RALGAPA2: variants seen among roughly 807,000 people sequenced by gnomAD.
The protein encoded by RALGAPA2 is ral GTPase-activating protein subunit alpha-2.
Under a neutral mutation model 230.4 loss-of-function variants are expected in RALGAPA2, and 139 were observed. The ratio of observed to expected loss-of-function variants is 0.60; its 90% CI spans 0.53 to 0.69. RALGAPA2 has a LOEUF of 0.69. Among genes scored for constraint, RALGAPA2 ranks in the 30% least tolerant of loss-of-function variants. RALGAPA2 has a pLI of 0.00. For missense variants in RALGAPA2, 2,163 were observed against 2,276.0 expected, an observed-to-expected ratio of 0.95 and a Z score of 1.01; for synonymous variants, 847 against 837.8, an observed-to-expected ratio of 1.01 and a Z score of -0.19.
chr20:20,517,781 T>C (rs1167523098), intron 31 of RALGAPA2, among the ~76,000 whole-genome samples: 2 of 147,562 alleles, frequency 1.4e-5, no homozygotes, highest in Admixed American at 6.7e-5. Flanking sequence ...CTATAAACAT[T>C]AAAGCCACAT....
rs1395591556 is a variant in RALGAPA2 at position 20,414,735 on chromosome 20, T to C, written c.5496-2587A>G. On this transcript the variant is annotated intron_variant, in intron 37 of 39. Transcript: ENST00000202677. ...TTAAGGCAGTAGGAGACAGAAAACA[T>C]AAAGGTGCTTCCAGAACTGGATCCT... Among the ~76,000 whole-genome samples the C allele has an allele frequency of 2.6e-5, 4 of 152,292 alleles. No homozygotes were observed. In the East Asian group the frequency reaches 7.7e-4, roughly 29 times the overall value.
chr20:20,634,098 T>C (rs924501591), intron 9 of RALGAPA2, among the ~76,000 whole-genome samples: 5 of 152,172 alleles, frequency 3.3e-5, no homozygotes, highest in Non-Finnish European at 7.3e-5. Context: ...TGTATCTTGA[T>C]ACTTTTTCCT....
chr20:20,528,622 G>C (rs193101639), intron 27 of RALGAPA2, among the ~76,000 whole-genome samples: 3 of 152,190 alleles, frequency 2.0e-5, no homozygotes, highest in Admixed American at 2.0e-4. Context: ...CTGTGGCTTA[G>C]AACCACCTCC....
intron 23 of RALGAPA2, among the ~76,000 whole-genome samples, chr20:20,571,058 CA>C (rs1335901554): frequency 6.6e-6 from 1 of 152,326 alleles, no homozygotes; most frequent in South Asian, 2.1e-4. Flanking sequence ...AAGTCTTTCA[CA>C]AAAACATCCT....
At position 20,465,149 on chromosome 20, in the gene RALGAPA2, T is replaced by TCTCACACA. The variant is rs1556066770; in HGVS notation, c.5495+7679_5495+7680insTGTGTGAG. Among the ~76,000 whole-genome samples, 701 of 109,230 alleles carry TCTCACACA rather than the reference T, an allele frequency of 6.4e-3. 6 individuals are homozygous for TCTCACACA. Among genetic ancestry groups the TCTCACACA allele is most frequent in the Middle Eastern group, 0.021 (4 of 188 alleles). The allele number at this position is 109,230 out of a possible 152,430, so 71.7% of individuals were successfully genotyped here. ...GCTTCTTCCCTCCCCCCGCAGGCCTTCACACACACACACACACACACACAC... is the reference window on the plus strand; with the variant it reads ...GCTTCTTCCCTCCCCCCGCAGGCCTTCTCACACACACACACACACACACACACACACAC... On this transcript the variant is annotated intron_variant, in intron 37 of 39. Coordinates refer to ENST00000202677, the MANE Select transcript of RALGAPA2 (RefSeq NM_020343.4).
intron 36 of RALGAPA2, among the ~76,000 whole-genome samples, chr20:20,479,833 T>C (rs992289084): frequency 7.2e-5 from 11 of 152,190 alleles, no homozygotes; most frequent in African/African-American, 2.4e-4. Flanking sequence ...AAAACTGTCA[T>C]TTTTTTAGAT....
intron 1 of RALGAPA2, among the ~76,000 whole-genome samples, chr20:20,695,181 A>C (rs1465360359): frequency 6.6e-6 from 1 of 152,252 alleles, no homozygotes; most frequent in African/African-American, 2.4e-5. Flanking sequence ...TGTAAAAAAC[A>C]GCAAATGACT....
At chr20:20,559,958 C>T (rs1386249141) in intron 23 of RALGAPA2, among the ~76,000 whole-genome samples, 3 of 152,156 alleles carry the variant, frequency 2.0e-5, no homozygotes, top group Non-Finnish European at 4.4e-5. Flanking sequence ...AACAGTTATT[C>T]ATGATCTTAT....
chr20:20,629,951 A>G (rs2066616008), intron 9 of RALGAPA2, among the ~76,000 whole-genome samples: 1 of 152,224 alleles, frequency 6.6e-6, no homozygotes, highest in Non-Finnish European at 1.5e-5. Flanking sequence ...ACACTTTAGC[A>G]TTTGCTCCTA....
At position 20,512,861 on chromosome 20, in the gene RALGAPA2, G is replaced by A; in HGVS notation, c.4508C>T (p.Thr1503Ile). Residue 1503 changes from threonine (T) to isoleucine (I), a missense_variant, in exon 32 of 40, where the codon ACA (threonine) becomes ATA (isoleucine). Transcript: ENST00000202677. ...AGAAGAGTCTTTCTGAGGTCCAAATGTGTCACGATGCCAGCTCGAAATCAG... is the reference window on the plus strand; with the variant it reads ...AGAAGAGTCTTTCTGAGGTCCAAATATGTCACGATGCCAGCTCGAAATCAG... The part of the protein sequence containing the change: ...SFLISSWHRD[T>I]FGPQKDSSQV... 6.2e-7 allele frequency: 1 copy of A among 1,613,622 alleles called. No individual in the cohort carries two copies. The highest frequency in any genetic ancestry group is 8.5e-7 in the Non-Finnish European group (1 of 1,179,528).
At chr20:20,457,459 G>T (rs1349714800) in intron 37 of RALGAPA2, among the ~76,000 whole-genome samples, 1 of 152,048 alleles carries the variant, frequency 6.6e-6, no homozygotes, top group Non-Finnish European at 1.5e-5. Context: ...TCTTTTTTAT[G>T]GAAAGACAAA....
At chr20:20,460,436 A>G (rs921001380) in intron 37 of RALGAPA2, among the ~76,000 whole-genome samples, 18 of 152,206 alleles carry the variant, frequency 1.2e-4, no homozygotes, top group Admixed American at 8.5e-4. Context: ...GGGCATGACA[A>G]TAAACAAGAT....
chr20:20,477,776 C>T (rs141110698), intron 36 of RALGAPA2, among the ~76,000 whole-genome samples: 2 of 151,986 alleles, frequency 1.3e-5, no homozygotes, highest in East Asian at 1.9e-4. Flanking sequence ...TTAGTAGAGA[C>T]GGGGTTTCAC....
rs1420375968 is a variant in RALGAPA2, at chr20:20,428,576, A to G, written c.5496-16428T>C. Among the ~76,000 whole-genome samples, 4 of 152,302 alleles carry G rather than the reference A, an allele frequency of 2.6e-5. No homozygotes were observed. The East Asian group carries it at 7.7e-4, about 29-fold the overall frequency. On this transcript the variant is annotated intron_variant, in intron 37 of 39. Coordinates refer to ENST00000202677, the MANE Select transcript of RALGAPA2 (RefSeq NM_020343.4). ...GCCATGGAGATGATCCTCACAATTC[A>G]TATGTGAGGCAGAATTGTATCACTG...
rs140488399 is a variant in RALGAPA2 at position 20,400,420 on chromosome 20, C to T, written c.5618-3686G>A. Reference sequence around the variant, plus strand: ...AGTGCATGGAGCGTGTGCCTGTATACGTGCTGCTCCCGTGCAGGGGCTAAG... The same window carrying T: ...AGTGCATGGAGCGTGTGCCTGTATATGTGCTGCTCCCGTGCAGGGGCTAAG... On this transcript the variant is annotated intron_variant, in intron 38 of 39. Transcript: ENST00000202677. 1.1e-3 allele frequency among the ~76,000 whole-genome samples: 169 copies of T among 152,252 alleles called. 1 individual carries two copies. In the East Asian group the frequency reaches 0.013, roughly 12 times the overall value.
At chr20:20,468,630 T>C (rs1473197744) in intron 37 of RALGAPA2, among the ~76,000 whole-genome samples, 2 of 152,114 alleles carry the variant, frequency 1.3e-5, no homozygotes, top group African/African-American at 4.8e-5. Flanking sequence ...TTTCTCTCTT[T>C]CCTGCTTTTC....
intron 37 of RALGAPA2, among the ~76,000 whole-genome samples, chr20:20,458,128 C>T (rs569137980): frequency 3.9e-5 from 6 of 152,160 alleles, no homozygotes; most frequent in Non-Finnish European, 7.4e-5. Context: ...ATACTGCTCC[C>T]ACAAAAGAAA....
intron 14 of RALGAPA2, among the ~76,000 whole-genome samples, chr20:20,606,197 C>T (rs1030079496): frequency 1.3e-5 from 2 of 152,200 alleles, no homozygotes; most frequent in Non-Finnish European, 2.9e-5. Context: ...GAATGTTCCA[C>T]ACCCGCTCCA....
Position 20,512,875 on chromosome 20 carries a change from G to T in RALGAPA2, c.4494C>A (p.Ser1498Arg), listed in dbSNP as rs376120579. The change falls in exon 32 of 40, where the codon AGC (serine) becomes AGA (arginine). Residue 1498 changes from serine (S) to arginine (R), a missense_variant. Ser to Arg is a moderately radical substitution (Grantham distance 110). Coordinates refer to ENST00000202677, the MANE Select transcript of RALGAPA2 (RefSeq NM_020343.4). ...NGRNPSFLIS[S>R]WHRDTFGPQK... is the part of the protein sequence containing the mutation. The stretch of plus-strand genomic sequence containing the variant: ...GAGGTCCAAATGTGTCACGATGCCA[G>T]CTCGAAATCAGAAATGAAGGATTTC... The T allele has an allele frequency of 1.2e-6, 2 of 1,613,696 alleles. No homozygotes were observed. The highest frequency in any genetic ancestry group is 2.7e-5 in the African/African-American group (2 of 74,930).
Sources: allele counts gnomAD v4.1 joint callset (sites outside exome capture counted in the v4.1 genomes callset), GRCh38; gene constraint gnomAD v4.1.1; transcripts MANE v1.5; gene names NCBI Gene and HGNC (gene_info 2026-07-23, HGNC 2026-07-21).